The following DHRSX variants were observed in gnomAD, a reference collection of about 807,000 sequenced individuals.
DHRSX encodes polyprenol dehydrogenase.
DHRSX carries 31 observed loss-of-function variants against 34.0 expected under a neutral mutation model. The observed-to-expected ratio is 0.91, with a 90% CI of 0.69 to 1.23. The LOEUF is 1.23. Among genes scored for constraint, DHRSX ranks in the 50% most tolerant of loss-of-function variants. The pLI, the probability that DHRSX is intolerant of heterozygous loss-of-function variation, is 0.00. For synonymous variants in DHRSX, 201 were observed against 183.8 expected (o/e 1.09, Z -0.76); for missense variants, 414 against 428.1 (o/e 0.97, Z 0.29).
chrX:2,352,010 G>A (rs1184728086), intron 3 of DHRSX, among the ~76,000 whole-genome samples: 8 of 152,060 alleles, frequency 5.3e-5, no homozygotes, highest in African/African-American at 1.2e-4. Context: ...GTGAGTCACC[G>A]TGCCCAGCCT....
intron 6 of DHRSX, among the ~76,000 whole-genome samples, chrX:2,233,536 C>T (rs1240901921): frequency 1.3e-5 from 2 of 152,114 alleles, no homozygotes; most frequent in Admixed American, 6.6e-5. Context: ...GACGGTGCAG[C>T]ACCATTTATG....
At chrX:2,314,470 GAA>G in intron 3 of DHRSX, among the ~76,000 whole-genome samples, 1 of 40,720 alleles carries the variant, frequency 2.5e-5, no homozygotes, top group African/African-American at 1.2e-4. Flanking sequence ...AGGAAGGGGA[GAA>G]GGAAGGAAGG....
chrX:2,457,540 G>A (rs370206134), intron 1 of DHRSX, among the ~76,000 whole-genome samples: 258 of 150,910 alleles, frequency 1.7e-3, no homozygotes, highest in African/African-American at 5.9e-3. Flanking sequence ...CCAAGGGACC[G>A]CCACCATGTA....
chrX:2,485,879 G>C lies in DHRSX; in HGVS notation c.109+14938C>G, dbSNP rs769202992. Among the ~76,000 whole-genome samples, 3 of 148,832 alleles carry C rather than the reference G, an allele frequency of 2.0e-5. No homozygotes were observed. The East Asian group carries it at 5.9e-4, about 29-fold the overall frequency. ...GAAAGAAGGGAAGGGAGGGAAGGAA[G>C]GGAGAGAAGAAGAGACAAGGATGGG... On this transcript the variant is annotated intron_variant, in intron 1 of 6. Coordinates refer to ENST00000334651, the MANE Select transcript of DHRSX (RefSeq NM_145177.3).
chrX:2,231,771 G>A (rs1468772475), intron 6 of DHRSX, among the ~76,000 whole-genome samples: 1 of 137,330 alleles, frequency 7.3e-6, no homozygotes, highest in Non-Finnish European at 1.6e-5. Flanking sequence ...CCTCCTTTCT[G>A]CCTTATCCTC....
intron 3 of DHRSX, among the ~76,000 whole-genome samples, chrX:2,302,298 T>C (rs2042021355): frequency 7.5e-6 from 1 of 133,600 alleles, no homozygotes; most frequent in African/African-American, 2.5e-5. Context: ...ATAAGTACTT[T>C]CAATATTTTC....
intron 3 of DHRSX, among the ~76,000 whole-genome samples, chrX:2,362,553 C>T (rs2042946049): frequency 6.6e-6 from 1 of 152,206 alleles, no homozygotes; most frequent in Non-Finnish European, 1.5e-5. Context: ...CCCACCACAG[C>T]CTCCCAAAGT....
intron 1 of DHRSX, among the ~76,000 whole-genome samples, chrX:2,492,163 T>C (rs1308525351): frequency 6.6e-6 from 1 of 152,132 alleles, no homozygotes. Context: ...ACCTGGTACT[T>C]GTGTATGGGA....
intron 5 of DHRSX, among the ~76,000 whole-genome samples, chrX:2,250,406 G>A (rs971943628): frequency 1.3e-5 from 2 of 152,026 alleles, no homozygotes; most frequent in Non-Finnish European, 2.9e-5. Flanking sequence ...TCCATAGATG[G>A]AGCATCCCGA....
intron 1 of DHRSX, among the ~76,000 whole-genome samples, chrX:2,480,654 C>CA (rs2044754975): frequency 6.6e-6 from 1 of 151,760 alleles, no homozygotes; most frequent in South Asian, 2.1e-4. Flanking sequence ...CCCATCTCTG[C>CA]AAAAAACTTA....
At chrX:2,374,810 T>G (rs1213077087) in intron 3 of DHRSX, among the ~76,000 whole-genome samples, 8 of 122,630 alleles carry the variant, frequency 6.5e-5, no homozygotes, top group East Asian at 2.3e-4. Context: ...CCAGGTTCAG[T>G]CCTGTAATCC....
intron 3 of DHRSX, among the ~76,000 whole-genome samples, chrX:2,402,727 C>T (rs6567673): frequency 0.28 from 42,811 of 151,612 alleles, 6,284 homozygotes; most frequent in East Asian, 0.43. Flanking sequence ...ATTGCATGCA[C>T]ACATAGTAGG....
intron 3 of DHRSX, among the ~76,000 whole-genome samples, chrX:2,353,669 C>T (rs745793599): frequency 8.6e-4 from 129 of 150,816 alleles, no homozygotes; most frequent in African/African-American, 3.1e-3. Flanking sequence ...CCTCAATCTC[C>T]GCCTCCCGGG....
chrX:2,346,686 G>A (rs2042718711), intron 3 of DHRSX, among the ~76,000 whole-genome samples: 1 of 151,134 alleles, frequency 6.6e-6, no homozygotes, highest in African/African-American at 2.4e-5. Flanking sequence ...TAAGTCCTGG[G>A]GTACATGTGC....
chrX:2,446,036 T>G (rs184295856), intron 1 of DHRSX, among the ~76,000 whole-genome samples: 11 of 151,554 alleles, frequency 7.3e-5, no homozygotes, highest in Admixed American at 6.6e-4. Context: ...ACTAAAGACA[T>G]TCCCTAAGTT....
At chrX:2,360,378 T>A (rs1453178888) in intron 3 of DHRSX, among the ~76,000 whole-genome samples, 7 of 150,860 alleles carry the variant, frequency 4.6e-5, no homozygotes, top group Non-Finnish European at 1.0e-4. Flanking sequence ...AGGGCAGGAG[T>A]TCAAGACCAG....
chrX:2,298,985 C>CAAAAAAAAAAAAAAAAAAAAAAAA (rs1162323678), intron 3 of DHRSX, among the ~76,000 whole-genome samples: 1 of 88,536 alleles, frequency 1.1e-5, no homozygotes, highest in East Asian at 4.7e-4. Flanking sequence ...AACTCTGTCT[C>CAAAAAAAAAAAAAAAAAAAAAAAA]AAAAAAAAAA....
At chrX:2,466,293 C>T (rs2044495084) in intron 1 of DHRSX, among the ~76,000 whole-genome samples, 1 of 152,112 alleles carries the variant, frequency 6.6e-6, no homozygotes, top group African/African-American at 2.4e-5. Context: ...ACAAAATTAG[C>T]CCAGCGTGGT....
intron 5 of DHRSX, among the ~76,000 whole-genome samples, chrX:2,246,702 G>GAA (rs1279301769): frequency 0.019 from 1,747 of 93,468 alleles, 34 homozygotes; most frequent in African/African-American, 0.069. Flanking sequence ...AGAAAAGAAA[G>GAA]AAAGAGAAAG....
Sources: allele counts gnomAD v4.1 joint callset (sites outside exome capture counted in the v4.1 genomes callset), GRCh38; gene constraint gnomAD v4.1.1; transcripts MANE v1.5; gene names NCBI Gene and HGNC (gene_info 2026-07-23, HGNC 2026-07-21).